NAA11: variants seen among roughly 807,000 people sequenced by gnomAD.
NAA11 encodes N-alpha-acetyltransferase 11.
A neutral mutation model predicts 16.1 loss-of-function variants in NAA11; 15 were observed. The ratio of observed to expected loss-of-function variants is 0.93; its 90% confidence interval spans 0.62 to 1.44. The LOEUF (loss-of-function observed/expected upper bound fraction) is 1.44. NAA11 is among the 40% of genes most tolerant of loss of function. The pLI is 0.00. For synonymous variants in NAA11, 122 were observed against 112.4 expected (o/e 1.09, Z -0.54); for missense variants, 298 against 291.3 (o/e 1.02, Z -0.17).
intron 2 of NAA11, among the ~76,000 whole-genome samples, chr4:79,239,828 C>G (rs931405270): frequency 3.3e-5 from 5 of 152,170 alleles, no homozygotes; most frequent in Non-Finnish European, 7.3e-5. Context: ...GACATGTTCT[C>G]TAGTGGTCAG....
the NAA11 span, among the ~76,000 whole-genome samples, chr4:79,210,813 A>C: frequency 4.6e-5 from 7 of 152,334 alleles, no homozygotes; most frequent in Non-Finnish European, 1.0e-4. Context: ...GATATACTGC[A>C]GCCAGATCCC....
At chr4:79,296,466 C>CT (rs1352286042) in intron 1 of NAA11, among the ~76,000 whole-genome samples, 1 of 152,178 alleles carries the variant, frequency 6.6e-6, no homozygotes, top group African/African-American at 2.4e-5. Context: ...AAACAGAGCG[C>CT]TTATTAAGCT....
chr4:79,170,539 T>G, the NAA11 span, among the ~76,000 whole-genome samples: 1 of 152,172 alleles, frequency 6.6e-6, no homozygotes, highest in Non-Finnish European at 1.5e-5. Context: ...AGCTAGAATG[T>G]TCAAAGACCC....
chr4:79,302,049 G>C (rs1361139866), intron 1 of NAA11, among the ~76,000 whole-genome samples: 1 of 152,060 alleles, frequency 6.6e-6, no homozygotes, highest in East Asian at 1.9e-4. Flanking sequence ...TGCATTAGTA[G>C]AAATACATAA....
chr4:79,201,102 A>T, the NAA11 span, among the ~76,000 whole-genome samples: 1 of 151,604 alleles, frequency 6.6e-6, no homozygotes, highest in Non-Finnish European at 1.5e-5. Flanking sequence ...TTCTTAGAAA[A>T]TAAGGTTTTA....
At chr4:79,158,593 C>G in the NAA11 span, among the ~76,000 whole-genome samples, 1 of 151,100 alleles carries the variant, frequency 6.6e-6, no homozygotes, top group Non-Finnish European at 1.5e-5. Flanking sequence ...TCATTCTTCA[C>G]AGAACTAAAA....
chr4:79,227,323 G>A (rs574156239), intron 2 of NAA11: 14 of 151,948 alleles, frequency 9.2e-5, no homozygotes, highest in African/African-American at 2.9e-4. Flanking sequence ...AGCACAAAAC[G>A]AACAACCCCA....
intron 2 of NAA11, among the ~76,000 whole-genome samples, chr4:79,249,537 T>C (rs1011505978): frequency 2.6e-5 from 4 of 152,076 alleles, no homozygotes; most frequent in African/African-American, 9.7e-5. Flanking sequence ...ACCGGCTCTC[T>C]GAAATAACAC....
At chr4:79,229,906 C>G (rs1169960918) in intron 2 of NAA11, among the ~76,000 whole-genome samples, 1 of 151,962 alleles carries the variant, frequency 6.6e-6, no homozygotes, top group African/African-American at 2.4e-5. Context: ...GAAAGTCTAA[C>G]TGTGAAACAA....
chr4:79,312,857 C>T (rs1273944032), downstream of NAA11, among the ~76,000 whole-genome samples: 1 of 151,984 alleles, frequency 6.6e-6, no homozygotes, highest in Non-Finnish European at 1.5e-5. Flanking sequence ...GTGTGAATTC[C>T]TTTATTCAAA....
At chr4:79,220,429 G>C in the NAA11 span, among the ~76,000 whole-genome samples, 2 of 133,752 alleles carry the variant, frequency 1.5e-5, no homozygotes, top group East Asian at 4.0e-4. Flanking sequence ...TTGTGTGCGT[G>C]TGTGTGTCTG....
chr4:79,320,339 G>C (rs1724055062), intron 1 of NAA11, among the ~76,000 whole-genome samples: 1 of 152,218 alleles, frequency 6.6e-6, no homozygotes, highest in African/African-American at 2.4e-5. Context: ...GAGAAGAAGA[G>C]AACCTGAAAA....
At position 79,310,148 on chromosome 4, in the gene NAA11, G is replaced by A. The variant is rs548012588; in HGVS notation, c.*12+15028C>T. 7.2e-5 allele frequency among the ~76,000 whole-genome samples: 11 copies of A among 152,282 alleles called. No individual in the cohort carries two copies. In the South Asian group the frequency reaches 2.1e-3, roughly 29 times the overall value. ...ACCTGCTATTGCCTGGGCACATTCA[G>A]AGACAAATTAGAGAATGGAGAAAAA... On this transcript the variant is annotated intron_variant and NMD_transcript_variant, in intron 1 of 2. Transcript: ENST00000511542.
chr4:79,267,695 C>G (rs1456429915), intron 2 of NAA11, among the ~76,000 whole-genome samples: 2 of 152,034 alleles, frequency 1.3e-5, no homozygotes, highest in Admixed American at 1.3e-4. Context: ...TTTCAGTTCC[C>G]ATAGTTGTTG....
the NAA11 span, among the ~76,000 whole-genome samples, chr4:79,173,443 G>C: frequency 6.6e-6 from 1 of 152,070 alleles, no homozygotes; most frequent in Admixed American, 6.6e-5. Context: ...AGATCCTTGT[G>C]TGTCTTGTTT....
At chr4:79,314,117 TA>T (rs1723861061), downstream of NAA11, among the ~76,000 whole-genome samples, 1 of 152,216 alleles carries the variant, frequency 6.6e-6, no homozygotes, top group Non-Finnish European at 1.5e-5. Context: ...CACATTTATG[TA>T]AAACACATAT....
the NAA11 span, among the ~76,000 whole-genome samples, chr4:79,162,546 T>C: frequency 6.6e-6 from 1 of 152,208 alleles, no homozygotes; most frequent in Admixed American, 6.5e-5. Context: ...GAATTGTAAA[T>C]GGTCTTATGG....
intron 1 of NAA11, among the ~76,000 whole-genome samples, chr4:79,302,296 T>C (rs1022004499): frequency 3.3e-4 from 50 of 152,306 alleles, no homozygotes; most frequent in African/African-American, 1.2e-3. Context: ...CCCAAATGTA[T>C]TGGTATTCTT....
intron 2 of NAA11, among the ~76,000 whole-genome samples, chr4:79,234,458 A>G (rs1002301207): frequency 1.3e-5 from 2 of 152,286 alleles, no homozygotes; most frequent in Non-Finnish European, 2.9e-5. Flanking sequence ...TAATTGGCCA[A>G]GAAAAAGAAC....
Sources: allele counts gnomAD v4.1 joint callset (sites outside exome capture counted in the v4.1 genomes callset), GRCh38; gene constraint gnomAD v4.1.1; transcripts MANE v1.5; gene names NCBI Gene and HGNC (gene_info 2026-07-23, HGNC 2026-07-21).